Variants in CHLSN observed in about 807,000 individuals in gnomAD.
CHLSN encodes cholesin, also known as protein cholesin.
At chr7:1,018,086 G>A in the CHLSN span, among the ~76,000 whole-genome samples, 4 of 152,154 alleles carry the variant, frequency 2.6e-5, no homozygotes, top group East Asian at 3.9e-4. Flanking sequence ...ACACGAGCAC[G>A]CATACACACG....
chr7:1,021,080 C>T, the CHLSN span, among the ~76,000 whole-genome samples: 2 of 151,430 alleles, frequency 1.3e-5, no homozygotes, highest in South Asian at 4.2e-4. Context: ...CAGGCAGGCA[C>T]CTCCAGGCTG....
chr7:1,115,353 C>T, the CHLSN span, among the ~76,000 whole-genome samples: 150 of 152,364 alleles, frequency 9.8e-4, no homozygotes, highest in Admixed American at 2.3e-3. Context: ...ACCCAGCCCC[C>T]AGGCTCGCCC....
chr7:1,089,168 T>C, the CHLSN span, among the ~76,000 whole-genome samples: 1 of 152,084 alleles, frequency 6.6e-6, no homozygotes, highest in South Asian at 2.1e-4. Context: ...AGAGGCGAAA[T>C]GCGGAGTCTT....
chr7:1,118,607 T>C, the CHLSN span, among the ~76,000 whole-genome samples: 1 of 152,032 alleles, frequency 6.6e-6, no homozygotes, highest in Non-Finnish European at 1.5e-5. Context: ...GTAGAAAAGC[T>C]GATTCCAAAA....
chr7:994,869 A>G, the CHLSN span, among the ~76,000 whole-genome samples: 2 of 152,232 alleles, frequency 1.3e-5, no homozygotes, highest in Admixed American at 1.3e-4. Context: ...CCTTGGACAC[A>G]TGTAAAGAGA....
At chr7:1,136,616 A>G in the CHLSN span, among the ~76,000 whole-genome samples, 1 of 145,636 alleles carries the variant, frequency 6.9e-6, no homozygotes, top group Admixed American at 7.0e-5. Flanking sequence ...ATATATATAA[A>G]TATATAAAAA....
chr7:1,039,774 G>A, the CHLSN span, among the ~76,000 whole-genome samples: 1 of 66,072 alleles, frequency 1.5e-5, no homozygotes, highest in Middle Eastern at 5.4e-3. Context: ...GATGGTTGCC[G>A]TGTCTGTGTA....
chr7:1,055,166 C>G, the CHLSN span: 4 of 457,370 alleles, frequency 8.7e-6, no homozygotes, highest in East Asian at 7.0e-5. Flanking sequence ...GTTTGCAGTG[C>G]GGTCCCGTCC....
chr7:1,002,528 T>C, the CHLSN span, among the ~76,000 whole-genome samples: 7 of 81,632 alleles, frequency 8.6e-5, no homozygotes, highest in South Asian at 5.6e-4. Context: ...GGGAGTCCTG[T>C]GGGTGAGTGG....
the CHLSN span, among the ~76,000 whole-genome samples, chr7:1,106,033 A>G: frequency 6.6e-6 from 1 of 152,178 alleles, no homozygotes; most frequent in South Asian, 2.1e-4. Flanking sequence ...TCCTTGCTCA[A>G]CTTTTCCTTG....
the CHLSN span, among the ~76,000 whole-genome samples, chr7:1,004,090 G>C: frequency 6.6e-6 from 1 of 152,044 alleles, no homozygotes; most frequent in African/African-American, 2.4e-5. Flanking sequence ...CCCATGTGCA[G>C]TGACGCAGGG....
chr7:996,130 G>A, the CHLSN span, among the ~76,000 whole-genome samples: 4 of 152,248 alleles, frequency 2.6e-5, no homozygotes, highest in Admixed American at 2.0e-4. Context: ...GCCAGTCACC[G>A]CTCTGAGGTG....
At chr7:1,087,539 C>T in the CHLSN span, among the ~76,000 whole-genome samples, 2 of 152,202 alleles carry the variant, frequency 1.3e-5, no homozygotes, top group East Asian at 1.9e-4. Flanking sequence ...GACTGCAGCC[C>T]GCCACACGAG....
the CHLSN span, among the ~76,000 whole-genome samples, chr7:987,960 G>A: frequency 1.3e-5 from 2 of 148,380 alleles, no homozygotes; most frequent in Non-Finnish European, 3.0e-5. Flanking sequence ...TGTCCTGGGG[G>A]TCCCCTCTGT....
chr7:1,079,025 G>A, the CHLSN span, among the ~76,000 whole-genome samples: 1 of 150,906 alleles, frequency 6.6e-6, no homozygotes, highest in Non-Finnish European at 1.5e-5. Context: ...ATGGCCGGCT[G>A]AGGAGGCAGC....
the CHLSN span, chr7:1,028,960 C>G: frequency 6.1e-6 from 2 of 325,984 alleles, no homozygotes; most frequent in African/African-American, 4.5e-5. Flanking sequence ...AGGCAGAGGC[C>G]TAGCCCTCCC....
chr7:1,072,491 A>G, the CHLSN span, among the ~76,000 whole-genome samples: 2 of 152,152 alleles, frequency 1.3e-5, no homozygotes, highest in Admixed American at 6.5e-5. Context: ...GCTTAGGCAT[A>G]TGATTAAACA....
the CHLSN span, among the ~76,000 whole-genome samples, chr7:1,065,069 G>C: frequency 2.0e-5 from 3 of 152,218 alleles, no homozygotes; most frequent in Non-Finnish European, 4.4e-5. Flanking sequence ...GCACCAGTCT[G>C]AGAAACGATG....
the CHLSN span, among the ~76,000 whole-genome samples, chr7:1,110,168 GGCACCAGC>G: frequency 2.6e-3 from 403 of 152,286 alleles, 1 homozygote; most frequent in African/African-American, 9.1e-3. Flanking sequence ...GAGCTCTGGC[GGCACCAGC>G]GCATGTGGTA....
Sources: gnomAD v4.1 joint callset for allele counts (sites outside exome capture counted in the v4.1 genomes callset) on GRCh38, gnomAD v4.1.1 for gene constraint, MANE v1.5 for transcripts, NCBI Gene and HGNC (gene_info 2026-07-23, HGNC 2026-07-21) for gene names.